The following IQCM variants were observed in gnomAD, a reference collection of about 807,000 sequenced individuals.
IQCM encodes the protein IQ domain-containing protein M.
In IQCM, 45 loss-of-function variants were observed where a neutral mutation model predicts 57.6. That is an observed-to-expected ratio of 0.78 (90% CI 0.62 to 1.00). The LOEUF (loss-of-function observed/expected upper bound fraction) is 1.00, where lower values mean the gene tolerates loss of function less well. IQCM is among the 50% of genes least tolerant of loss of function. The pLI is 0.00. For missense variants in IQCM, 468 were observed against 511.6 expected (o/e 0.91, Z 0.82); for synonymous variants, 148 against 158.9 (o/e 0.93, Z 0.51).
At chr4:149,361,051 G>T (rs1389625416) in intron 13 of IQCM, among the ~76,000 whole-genome samples, 2 of 152,188 alleles carry the variant, frequency 1.3e-5, no homozygotes, top group Non-Finnish European at 2.9e-5. Context: ...AGATGAGGAA[G>T]CTGTTGGGAA....
intron 8 of IQCM, among the ~76,000 whole-genome samples, chr4:149,593,215 G>A (rs1215274818): frequency 6.6e-6 from 1 of 151,964 alleles, no homozygotes; most frequent in African/African-American, 2.4e-5. Flanking sequence ...TCTCTTTGAA[G>A]CAATTGTGAA....
intron 12 of IQCM, among the ~76,000 whole-genome samples, chr4:149,533,342 G>A (rs1746940288): frequency 6.6e-6 from 1 of 151,956 alleles, no homozygotes; most frequent in Non-Finnish European, 1.5e-5. Flanking sequence ...AAACATATAA[G>A]AGAACTGAAT....
intron 2 of IQCM, among the ~76,000 whole-genome samples, chr4:149,744,719 T>TA (rs886666539): frequency 1.3e-5 from 2 of 152,064 alleles, no homozygotes; most frequent in Non-Finnish European, 2.9e-5. Context: ...CTCTCCACTT[T>TA]AAGTCTCCAG....
chr4:149,634,768 T>C (rs142149234), intron 7 of IQCM, among the ~76,000 whole-genome samples: 1 of 152,356 alleles, frequency 6.6e-6, no homozygotes, highest in African/African-American at 2.4e-5. Flanking sequence ...TAGTTCATAT[T>C]AATAAGTTGT....
chr4:149,482,428 C>A (rs1183877544), intron 12 of IQCM, among the ~76,000 whole-genome samples: 1 of 151,904 alleles, frequency 6.6e-6, no homozygotes, highest in Admixed American at 6.6e-5. Flanking sequence ...TCATAAATGG[C>A]TTTTATTATG....
At chr4:149,591,021 TGTAAG>T (rs1561029960) in intron 8 of IQCM, among the ~76,000 whole-genome samples, 1 of 152,076 alleles carries the variant, frequency 6.6e-6, no homozygotes, top group Non-Finnish European at 1.5e-5. Context: ...TGGCTGAATA[TGTAAG>T]TCATTTATTA....
intron 3 of IQCM, among the ~76,000 whole-genome samples, chr4:149,735,908 A>G (rs1766892212): frequency 6.6e-6 from 1 of 151,758 alleles, no homozygotes; most frequent in Non-Finnish European, 1.5e-5. Flanking sequence ...TCAAAAACAC[A>G]TGTCTATGGA....
At chr4:149,606,857 A>C (rs1754828791) in intron 8 of IQCM, among the ~76,000 whole-genome samples, 1 of 152,178 alleles carries the variant, frequency 6.6e-6, no homozygotes, top group Admixed American at 6.5e-5. Context: ...ATTTCAAAGT[A>C]CACAAAAGAG....
At chr4:149,670,268 GCTCT>G (rs1254228850) in intron 7 of IQCM, among the ~76,000 whole-genome samples, 1 of 152,042 alleles carries the variant, frequency 6.6e-6, no homozygotes, top group African/African-American at 2.4e-5. Flanking sequence ...TCACGATTTG[GCTCT>G]CTGTTTGTCT....
At chr4:149,739,565 A>G (rs1767260972) in intron 3 of IQCM, among the ~76,000 whole-genome samples, 1 of 151,382 alleles carries the variant, frequency 6.6e-6, no homozygotes, top group African/African-American at 2.4e-5. Flanking sequence ...ATTCCTTTTT[A>G]TCCAAAACTA....
At chr4:149,499,628 A>G (rs895055987) in intron 12 of IQCM, among the ~76,000 whole-genome samples, 3 of 152,164 alleles carry the variant, frequency 2.0e-5, no homozygotes, top group Admixed American at 6.6e-5. Context: ...GTCCTTATTT[A>G]TCATCTAAGA....
At chr4:149,402,518 G>T (rs926233828) in intron 13 of IQCM, among the ~76,000 whole-genome samples, 10 of 151,760 alleles carry the variant, frequency 6.6e-5, no homozygotes, top group African/African-American at 2.4e-4. Context: ...TTCCCATGAA[G>T]GTGAAGGGGT....
chr4:149,483,563 G>T (rs1176755719), intron 12 of IQCM, among the ~76,000 whole-genome samples: 1 of 151,820 alleles, frequency 6.6e-6, no homozygotes, highest in Non-Finnish European at 1.5e-5. Flanking sequence ...TAATTTCCAT[G>T]TGTTTGTATA....
At chr4:149,357,844 G>C (rs1039220017) in intron 13 of IQCM, among the ~76,000 whole-genome samples, 3 of 152,138 alleles carry the variant, frequency 2.0e-5, no homozygotes, top group Non-Finnish European at 4.4e-5. Context: ...TTGTACCTCT[G>C]GTAGAATTCG....
At chr4:149,542,266 T>A (rs1385046039) in intron 12 of IQCM, among the ~76,000 whole-genome samples, 1 of 152,074 alleles carries the variant, frequency 6.6e-6, no homozygotes, top group Admixed American at 6.6e-5. Flanking sequence ...ACTTTTCTTT[T>A]GAAAATTTTA....
At chr4:149,768,621 A>C (rs1175481570) in intron 2 of IQCM, among the ~76,000 whole-genome samples, 1 of 152,120 alleles carries the variant, frequency 6.6e-6, no homozygotes, top group Non-Finnish European at 1.5e-5. Context: ...TCCAGCATGC[A>C]GAATTCAGCC....
chr4:149,575,428 G>A (rs1449348230), intron 9 of IQCM, among the ~76,000 whole-genome samples: 1 of 151,852 alleles, frequency 6.6e-6, no homozygotes, highest in Non-Finnish European at 1.5e-5. Context: ...TCAAAAATCA[G>A]AGCAGTATTC....
intron 12 of IQCM, among the ~76,000 whole-genome samples, chr4:149,542,729 T>C (rs1316052266): frequency 6.6e-6 from 1 of 152,150 alleles, no homozygotes; most frequent in Admixed American, 6.6e-5. Flanking sequence ...AAGATAATTA[T>C]AGAAGTTTAT....
intron 13 of IQCM, among the ~76,000 whole-genome samples, chr4:149,423,394 A>C (rs995968803): frequency 1.2e-4 from 18 of 152,014 alleles, no homozygotes; most frequent in Non-Finnish European, 2.6e-4. Flanking sequence ...ACAAGTAGGG[A>C]TTACAGGTTC....
Sources: gnomAD v4.1 joint callset for allele counts (sites outside exome capture counted in the v4.1 genomes callset) on GRCh38, gnomAD v4.1.1 for gene constraint, MANE v1.5 for transcripts, NCBI Gene and HGNC (gene_info 2026-07-23, HGNC 2026-07-21) for gene names.